RBPMS: variants seen among roughly 807,000 people sequenced by gnomAD.
The protein encoded by RBPMS is RNA-binding protein with multiple splicing.
A neutral mutation model predicts 26.8 loss-of-function variants in RBPMS; 7 were observed. That is an observed-to-expected ratio of 0.26 (90% confidence interval 0.15 to 0.49). The LOEUF is 0.49. Among genes scored for constraint, RBPMS ranks in the 20% least tolerant of loss-of-function variants. The pLI is 0.98. For missense variants in RBPMS, 186 were observed against 250.0 expected, an observed-to-expected ratio of 0.74 and a Z score of 1.73; for synonymous variants, 96 against 93.3, an observed-to-expected ratio of 1.03 and a Z score of -0.17.
In RBPMS at chr8:30,384,979, G is replaced by T; in HGVS notation, c.-114G>T. 7.2e-6 allele frequency: 5 copies of T among 691,908 alleles called. No homozygotes were observed. The highest frequency in any genetic ancestry group is 8.4e-6 in the Non-Finnish European group (4 of 473,480). The allele number at this position is 691,908 out of a possible 1,614,324, so 42.9% of individuals were successfully genotyped here. A position where few individuals can be genotyped will look rare whatever the true frequency, so the allele number is the denominator to read the frequency against. ...GGCTCCAGCTCCAGCCCCACAGCCC[G>T]CGGCGCCCGCCCGAGGGAGCCCCGG... On this transcript the variant is annotated 5_prime_UTR_variant, in exon 1 of 9. Coordinates refer to ENST00000397323, the MANE Select transcript of RBPMS (RefSeq NM_001008710.3). The surrounding 1 kb of genome is among the most constrained non-coding windows in gnomAD (Gnocchi z 5.6).
At chr8:30,451,970 A>G (rs1326033233) in intron 1 of RBPMS, among the ~76,000 whole-genome samples, 3 of 152,180 alleles carry the variant, frequency 2.0e-5, no homozygotes, top group South Asian at 2.1e-4. Flanking sequence ...CGTCACATCC[A>G]TAGATGGCAC....
At chr8:30,414,156 C>T (rs969090405) in intron 1 of RBPMS, among the ~76,000 whole-genome samples, 5 of 141,036 alleles carry the variant, frequency 3.5e-5, no homozygotes, top group Admixed American at 1.4e-4. Flanking sequence ...GGCAGTGGGT[C>T]ATTGATTGCT....
chr8:30,429,893 C>G (rs1811741576), intron 1 of RBPMS, among the ~76,000 whole-genome samples: 1 of 152,102 alleles, frequency 6.6e-6, no homozygotes, highest in African/African-American at 2.4e-5. Flanking sequence ...AATTAGATGC[C>G]CAAGCCCTAG....
At chr8:30,418,812 C>G (rs890245835) in intron 1 of RBPMS, among the ~76,000 whole-genome samples, 1 of 152,128 alleles carries the variant, frequency 6.6e-6, no homozygotes, top group African/African-American at 2.4e-5. Context: ...CTCCTGACCT[C>G]AAGTGATCCA....
chr8:30,425,327 T>C (rs1157999516), intron 1 of RBPMS, among the ~76,000 whole-genome samples: 1 of 152,208 alleles, frequency 6.6e-6, no homozygotes, highest in Non-Finnish European at 1.5e-5. Flanking sequence ...GAAACGTATA[T>C]ATAGCATGAG....
rs36121330 is a variant in RBPMS at position 30,500,340 on chromosome 8, C to CTT, written c.247-3931_247-3930dup. The stretch of plus-strand genomic sequence containing the variant: ...CATACTACCAAACATTGTTGAGTAT[C>CTT]TTTTTTTTTTTTTTTTCAGGCTAAT... On this transcript the variant is annotated intron_variant, in intron 4 of 8. Transcript: ENST00000397323. 5.9e-3 allele frequency among the ~76,000 whole-genome samples: 822 copies of CTT among 140,118 alleles called. 9 individuals are homozygous for CTT. The highest frequency in any genetic ancestry group is 0.02 in the African/African-American group (770 of 37,976). 91.9% of individuals were successfully genotyped at this position (140,118 alleles called of 152,430 possible). A position where few individuals can be genotyped will look rare whatever the true frequency, so the allele number is the denominator to read the frequency against.
intron 5 of RBPMS, among the ~76,000 whole-genome samples, chr8:30,518,396 A>G (rs1229797515): frequency 6.6e-6 from 1 of 151,660 alleles, no homozygotes; most frequent in Non-Finnish European, 1.5e-5. Context: ...TAGGAGTATG[A>G]CTTTTTCATT....
At chr8:30,448,917 T>TG (rs567682475) in intron 1 of RBPMS, among the ~76,000 whole-genome samples, 85 of 152,288 alleles carry the variant, frequency 5.6e-4, no homozygotes, top group Non-Finnish European at 8.8e-4. Flanking sequence ...ACCATACCCA[T>TG]GGGGGGGAAC....
At chr8:30,425,277 A>G (rs537234024) in intron 1 of RBPMS, among the ~76,000 whole-genome samples, 1 of 152,170 alleles carries the variant, frequency 6.6e-6, no homozygotes, top group Non-Finnish European at 1.5e-5. Flanking sequence ...GGAAATTCCT[A>G]TCTTCCTTCA....
intron 5 of RBPMS, among the ~76,000 whole-genome samples, chr8:30,529,424 C>T (rs1483559630): frequency 6.6e-6 from 1 of 151,934 alleles, no homozygotes; most frequent in East Asian, 1.9e-4. Flanking sequence ...ATCGCTTGAA[C>T]CTGGGAGGCG....
intron 1 of RBPMS, among the ~76,000 whole-genome samples, chr8:30,431,771 C>T (rs570670665): frequency 6.6e-6 from 1 of 151,736 alleles, no homozygotes; most frequent in South Asian, 2.1e-4. Flanking sequence ...AATAATAGTA[C>T]TTATCAGTAT....
At position 30,385,065 on chromosome 8, in the gene RBPMS, C is replaced by T. The variant is rs941122091; in HGVS notation, c.-28C>T. On this transcript the variant is annotated 5_prime_UTR_variant, in exon 1 of 9. Coordinates refer to ENST00000397323, the MANE Select transcript of RBPMS (RefSeq NM_001008710.3). ...CGCCCAGCCCCGCGCCCCAGCCCTG[C>T]CCGGCCCGGCGAGGAAGGACCGGGA... The T allele has an allele frequency of 1.8e-5, 27 of 1,496,164 alleles. No individual in the cohort carries two copies. Among genetic ancestry groups the T allele is most frequent in the Admixed American group, 2.3e-5 (1 of 44,414 alleles). 92.7% of individuals were successfully genotyped at this position (1,496,164 alleles called of 1,614,324 possible).
chr8:30,490,091 C>T (rs1052440964), intron 4 of RBPMS, among the ~76,000 whole-genome samples: 2 of 152,172 alleles, frequency 1.3e-5, no homozygotes, highest in Admixed American at 6.5e-5. Context: ...GGATTACAGG[C>T]GAGAGCCACC....
chr8:30,535,837 C>T (rs1563422417), intron 5 of RBPMS, among the ~76,000 whole-genome samples: 2 of 152,120 alleles, frequency 1.3e-5, no homozygotes, highest in African/African-American at 2.4e-5. Flanking sequence ...TAAAAATGTT[C>T]ATTTCTGAAA....
intron 8 of RBPMS, among the ~76,000 whole-genome samples, chr8:30,567,224 C>A (rs1328352204): frequency 6.6e-6 from 1 of 152,150 alleles, no homozygotes; most frequent in Non-Finnish European, 1.5e-5. Context: ...CGCTTCTGGC[C>A]AAGGAGGTGG....
intron 4 of RBPMS, among the ~76,000 whole-genome samples, chr8:30,498,638 CTG>C (rs1460189687): frequency 6.6e-6 from 1 of 152,096 alleles, no homozygotes; most frequent in Non-Finnish European, 1.5e-5. Flanking sequence ...AGACAAAAAA[CTG>C]TAAATAAATA....
intron 1 of RBPMS, among the ~76,000 whole-genome samples, chr8:30,435,581 C>T (rs1018017023): frequency 7.9e-5 from 12 of 152,070 alleles, no homozygotes; most frequent in Non-Finnish European, 1.3e-4. Flanking sequence ...ATCAGTAATC[C>T]TTGTGGGTCA....
chr8:30,411,681 AAAAG>A (rs113464008), intron 1 of RBPMS, among the ~76,000 whole-genome samples: 1 of 127,956 alleles, frequency 7.8e-6, no homozygotes, highest in Non-Finnish European at 1.6e-5. Flanking sequence ...AAAAAAAAAA[AAAAG>A]AAAAAGGAAA....
At chr8:30,517,583 A>C (rs986926089) in intron 5 of RBPMS, among the ~76,000 whole-genome samples, 3 of 152,200 alleles carry the variant, frequency 2.0e-5, no homozygotes, top group Admixed American at 2.0e-4. Flanking sequence ...TTCCTGTTCT[A>C]ATTTTCTCAC....
Sources: allele counts gnomAD v4.1 joint callset (sites outside exome capture counted in the v4.1 genomes callset), GRCh38; gene constraint gnomAD v4.1.1; non-coding constraint Gnocchi (gnomAD v3.1); transcripts MANE v1.5; gene names NCBI Gene and HGNC (gene_info 2026-07-23, HGNC 2026-07-21).